The following LRMDA variants were observed in gnomAD, a reference collection of about 807,000 sequenced individuals.
LRMDA encodes the protein leucine rich melanocyte differentiation associated.
A neutral mutation model predicts 29.8 loss-of-function variants in LRMDA; 18 were observed. That is an observed-to-expected ratio of 0.60 (90% CI 0.42 to 0.90). LRMDA has a LOEUF of 0.90. Ranked by LOEUF, LRMDA falls within the 40% of genes least tolerant of loss-of-function variation. The pLI is 0.00. For missense variants in LRMDA, 273 were observed against 273.9 expected, an observed-to-expected ratio of 1.00 and a Z score of 0.02; for synonymous variants, 125 against 109.4, an observed-to-expected ratio of 1.14 and a Z score of -0.89.
chr10:76,252,358 G>A (rs1002558848), intron 5 of LRMDA, among the ~76,000 whole-genome samples: 6 of 152,158 alleles, frequency 3.9e-5, no homozygotes, highest in African/African-American at 1.4e-4. Flanking sequence ...AAAGAGATCA[G>A]AGCCAGTTGT....
chr10:75,431,682 GCC>G lies in LRMDA; in HGVS notation c.-39_-38del. On this transcript the variant is annotated 5_prime_UTR_variant, in exon 1 of 7. Transcript: ENST00000611255. Reference sequence around the variant, plus strand: ...CCGCGCTCCCCGCTGCTGCCGCCGCGCCCCCGCGCTCCGTCCCGCGCGCCCGC... The same window carrying G: ...CCGCGCTCCCCGCTGCTGCCGCCGCGCCCGCGCTCCGTCCCGCGCGCCCGC... 7.9e-7 allele frequency: 1 copy of G among 1,266,328 alleles called. No individual in the cohort carries two copies. The allele number at this position is 1,266,328 out of a possible 1,614,324, so 78.4% of individuals were successfully genotyped here.
chr10:75,571,750 C>A (rs965354644), intron 2 of LRMDA, among the ~76,000 whole-genome samples: 1 of 152,066 alleles, frequency 6.6e-6, no homozygotes, highest in Non-Finnish European at 1.5e-5. Flanking sequence ...TTTTGGGACT[C>A]TAGTTATCTG....
At chr10:76,225,905 T>C (rs1008481626) in intron 5 of LRMDA, among the ~76,000 whole-genome samples, 13 of 114,604 alleles carry the variant, frequency 1.1e-4, no homozygotes, top group Admixed American at 3.6e-4. Flanking sequence ...GCCCCCGGTG[T>C]GTGATGTTCC....
At chr10:76,294,821 T>G (rs1347832420) in intron 5 of LRMDA, among the ~76,000 whole-genome samples, 1 of 152,202 alleles carries the variant, frequency 6.6e-6, no homozygotes, top group East Asian at 1.9e-4. Context: ...GACTGAGGTT[T>G]GATATATACC....
intron 2 of LRMDA, among the ~76,000 whole-genome samples, chr10:75,656,929 A>T (rs1217117092): frequency 6.6e-6 from 1 of 152,234 alleles, no homozygotes; most frequent in Non-Finnish European, 1.5e-5. Flanking sequence ...TAAAGTGTTT[A>T]AAGCGGCTTA....
At chr10:76,254,187 G>A (rs747552365) in intron 5 of LRMDA, among the ~76,000 whole-genome samples, 27 of 151,832 alleles carry the variant, frequency 1.8e-4, no homozygotes, top group Non-Finnish European at 3.4e-4. Context: ...CTTCCTTGTT[G>A]TCAATATTCA....
intron 3 of LRMDA, among the ~76,000 whole-genome samples, chr10:76,038,253 T>G (rs1564636157): frequency 6.6e-6 from 1 of 152,230 alleles, no homozygotes; most frequent in Non-Finnish European, 1.5e-5. Context: ...GTTGGACTGG[T>G]CGATGGTTTT....
chr10:76,157,446 A>G (rs1850558376), intron 5 of LRMDA, among the ~76,000 whole-genome samples: 1 of 151,976 alleles, frequency 6.6e-6, no homozygotes, highest in Admixed American at 6.6e-5. Flanking sequence ...CCCTGTTGCC[A>G]AAAAAGTTTT....
chr10:76,423,503 A>C (rs1039285418), intron 6 of LRMDA, among the ~76,000 whole-genome samples: 1 of 152,264 alleles, frequency 6.6e-6, no homozygotes, highest in Non-Finnish European at 1.5e-5. Context: ...CAAAATGGGC[A>C]TAGCAATCAT....
At chr10:75,942,881 T>A (rs1846416236) in intron 2 of LRMDA, among the ~76,000 whole-genome samples, 1 of 152,216 alleles carries the variant, frequency 6.6e-6, no homozygotes, top group Non-Finnish European at 1.5e-5. Context: ...AGTAGTCTTT[T>A]GTTTGAAGTC....
At chr10:75,719,352 G>A (rs1842539170) in intron 2 of LRMDA, among the ~76,000 whole-genome samples, 3 of 152,184 alleles carry the variant, frequency 2.0e-5, no homozygotes, top group Non-Finnish European at 4.4e-5. Flanking sequence ...AGGTGTACCA[G>A]GAGTGGTTTT....
chr10:75,642,978 G>A (rs1841473484), intron 2 of LRMDA: 1 of 152,186 alleles, frequency 6.6e-6, no homozygotes, highest in African/African-American at 2.4e-5. Context: ...GCTTGGACCT[G>A]GGCTGGAAGG....
At chr10:76,397,639 G>A (rs902767874) in intron 6 of LRMDA, among the ~76,000 whole-genome samples, 1 of 152,194 alleles carries the variant, frequency 6.6e-6, no homozygotes, top group Non-Finnish European at 1.5e-5. Context: ...CCTGGTGCTG[G>A]TGGTCACAGT....
chr10:75,432,112 C>T (rs1554889214), intron 1 of LRMDA, among the ~76,000 whole-genome samples: 1 of 152,258 alleles, frequency 6.6e-6, no homozygotes, highest in Non-Finnish European at 1.5e-5. Flanking sequence ...ATTTTAAAAA[C>T]TTTTGGTCAA....
At chr10:76,055,405 C>G (rs1848597763) in intron 4 of LRMDA, among the ~76,000 whole-genome samples, 1 of 152,216 alleles carries the variant, frequency 6.6e-6, no homozygotes, top group Non-Finnish European at 1.5e-5. Context: ...GTCAGCCAAG[C>G]CTTTTACCTG....
chr10:75,976,537 C>T (rs753689009), intron 2 of LRMDA, among the ~76,000 whole-genome samples: 1 of 152,196 alleles, frequency 6.6e-6, no homozygotes, highest in Non-Finnish European at 1.5e-5. Flanking sequence ...CTTCACCTAC[C>T]TTGTTCTTTC....
At chr10:75,919,927 A>G (rs1426509403) in intron 2 of LRMDA, among the ~76,000 whole-genome samples, 2 of 151,832 alleles carry the variant, frequency 1.3e-5, no homozygotes, top group African/African-American at 4.8e-5. Context: ...TCAGAAACGC[A>G]TTGTCCCTGA....
chr10:75,811,395 G>A (rs1843957822), intron 2 of LRMDA, among the ~76,000 whole-genome samples: 1 of 152,046 alleles, frequency 6.6e-6, no homozygotes. Context: ...GTATTCTTGG[G>A]GTGAATTTTA....
intron 5 of LRMDA, among the ~76,000 whole-genome samples, chr10:76,171,883 G>A (rs1467531069): frequency 6.6e-6 from 1 of 152,208 alleles, no homozygotes; most frequent in Non-Finnish European, 1.5e-5. Flanking sequence ...CTGAGGCTGA[G>A]TAGTTTATAA....
Sources: allele counts gnomAD v4.1 joint callset (sites outside exome capture counted in the v4.1 genomes callset), GRCh38; gene constraint gnomAD v4.1.1; transcripts MANE v1.5; gene names NCBI Gene and HGNC (gene_info 2026-07-23, HGNC 2026-07-21).